OR51B5: variants seen among roughly 807,000 people sequenced by gnomAD.
The protein encoded by OR51B5 is olfactory receptor 51B5.
For synonymous variants in OR51B5, 186 were observed against 144.8 expected (o/e 1.28, Z -2.04); for missense variants, 456 against 374.6 (o/e 1.22, Z -1.79).
At chr11:5,394,218 A>G (rs2133733972) in intron 1 of OR51B5, among the ~76,000 whole-genome samples, 1 of 152,248 alleles carries the variant, frequency 6.6e-6, no homozygotes, top group Admixed American at 6.5e-5. Context: ...ACTATAAGTC[A>G]CTTTATCTTG....
chr11:5,439,361 C>T (rs1039822800), intron 1 of OR51B5, among the ~76,000 whole-genome samples: 1 of 152,168 alleles, frequency 6.6e-6, no homozygotes, highest in Non-Finnish European at 1.5e-5. Flanking sequence ...CTTCCCTTCA[C>T]CAACAATACC....
intron 1 of OR51B5, chr11:5,352,329 G>C: frequency 1.2e-6 from 2 of 1,613,902 alleles, no homozygotes; most frequent in Non-Finnish European, 1.7e-6. Context: ...ACATCACAAT[G>C]AGCTACATCC....
intron 1 of OR51B5, among the ~76,000 whole-genome samples, chr11:5,467,504 T>A (rs1851154594): frequency 6.6e-6 from 1 of 152,242 alleles, no homozygotes; most frequent in South Asian, 2.1e-4. Context: ...TGGAGTTGAG[T>A]TATGCCATGG....
intron 1 of OR51B5, among the ~76,000 whole-genome samples, chr11:5,357,887 G>C (rs1276069637): frequency 6.6e-6 from 1 of 152,008 alleles, no homozygotes; most frequent in Non-Finnish European, 1.5e-5. Context: ...GCTCCTGAAT[G>C]ACTACTGGGT....
intron 1 of OR51B5, among the ~76,000 whole-genome samples, chr11:5,398,894 A>T (rs533509934): frequency 1.3e-5 from 2 of 152,242 alleles, no homozygotes; most frequent in African/African-American, 4.8e-5. Context: ...TTAATAAATT[A>T]CCCAGTCTCA....
In OR51B5 at chr11:5,497,819, G is replaced by A. The variant is rs138154586; in HGVS notation, n.84+7750C>T. Among the ~76,000 whole-genome samples, 469 of 152,248 alleles carry A rather than the reference G, an allele frequency of 3.1e-3. 2 individuals are homozygous for A. Among genetic ancestry groups the A allele is most frequent in the African/African-American group, 0.011 (451 of 41,544 alleles). Reference sequence around the variant, plus strand: ...ACCCATGGAGTTTCTCAGCAGCTTTGCCATCACACACAGTCTTAGCAGAGA... The same window carrying A: ...ACCCATGGAGTTTCTCAGCAGCTTTACCATCACACACAGTCTTAGCAGAGA... On this transcript the variant is annotated intron_variant and non_coding_transcript_variant, in intron 1 of 4. Coordinates refer to the OR51B5 transcript ENST00000415970.
downstream of OR51B5, chr11:5,342,489 G>A: frequency 7.1e-7 from 1 of 1,408,986 alleles, no homozygotes; most frequent in African/African-American, 1.5e-5. Flanking sequence ...ATTTTACCAA[G>A]TCATATGAGC....
chr11:5,413,649 G>A (rs898383994), intron 1 of OR51B5, among the ~76,000 whole-genome samples: 2 of 152,158 alleles, frequency 1.3e-5, no homozygotes, highest in African/African-American at 4.8e-5. Flanking sequence ...GAAGTCTCAG[G>A]AGCCAATGCA....
At chr11:5,412,912 C>T (rs1351359569) in intron 1 of OR51B5, among the ~76,000 whole-genome samples, 1 of 151,962 alleles carries the variant, frequency 6.6e-6, no homozygotes, top group Non-Finnish European at 1.5e-5. Flanking sequence ...ACTTAAATGT[C>T]CCTGTCTGAC....
chr11:5,342,851 C>A, exon 1 of OR51B5: 1 of 1,613,280 alleles, frequency 6.2e-7, no homozygotes, highest in Non-Finnish European at 8.5e-7. Context: ...GGAGGCAATG[C>A]TCAGGACAGT....
chr11:5,444,108 C>T (rs1408497844), intron 1 of OR51B5, among the ~76,000 whole-genome samples: 2 of 152,152 alleles, frequency 1.3e-5, no homozygotes, highest in Non-Finnish European at 2.9e-5. Flanking sequence ...TATACACACA[C>T]AGTGTCACAA....
intron 1 of OR51B5, among the ~76,000 whole-genome samples, chr11:5,473,259 C>G (rs912527024): frequency 6.6e-6 from 1 of 152,136 alleles, no homozygotes; most frequent in Non-Finnish European, 1.5e-5. Context: ...CCTGTTGACT[C>G]TGGAGTTTTG....
intron 1 of OR51B5, chr11:5,393,145 A>AT (rs1849822132): frequency 6.6e-6 from 1 of 152,122 alleles, no homozygotes; most frequent in Non-Finnish European, 1.5e-5. Flanking sequence ...TTGTGGCAAA[A>AT]TTTTTTTCCT....
At chr11:5,492,241 C>T (rs1250269123) in intron 1 of OR51B5, among the ~76,000 whole-genome samples, 1 of 152,112 alleles carries the variant, frequency 6.6e-6, no homozygotes, top group African/African-American at 2.4e-5. Context: ...TAAACACACA[C>T]ACACACTCAC....
At chr11:5,447,672 C>T (rs1498493) in intron 1 of OR51B5, among the ~76,000 whole-genome samples, 64,061 of 151,946 alleles carry the variant, frequency 0.42, 15,416 homozygotes, top group Non-Finnish European at 0.55. Context: ...AACCAGCTCC[C>T]AAGATCTACA....
intron 1 of OR51B5, among the ~76,000 whole-genome samples, chr11:5,359,687 C>T (rs574152399): frequency 2.0e-5 from 3 of 150,478 alleles, no homozygotes; most frequent in South Asian, 2.1e-4. Flanking sequence ...CATTGACATG[C>T]CAATCCTAAG....
intron 1 of OR51B5, chr11:5,362,623 C>A: frequency 5.7e-6 from 1 of 176,238 alleles, no homozygotes. Context: ...AAATGGAGCT[C>A]AAGGCCATGA....
rs1554898513 is a variant in OR51B5, at chr11:5,499,285, T to TGACCTATTTCTTTGAATAGGTCTCTTA, written n.84+6283_84+6284insTAAGAGACCTATTCAAAGAAATAGGTC. Among the ~76,000 whole-genome samples, 74 of 150,472 alleles carry TGACCTATTTCTTTGAATAGGTCTCTTA rather than the reference T, an allele frequency of 4.9e-4. 6 individuals carry two copies. Among genetic ancestry groups the TGACCTATTTCTTTGAATAGGTCTCTTA allele is most frequent in the Non-Finnish European group, 8.9e-5 (6 of 67,556 alleles). On this transcript the variant is annotated intron_variant and non_coding_transcript_variant, in intron 1 of 4. Transcript: ENST00000415970. ...TAAGCTCAAGCCTTTGGTTACTCTT[T>TGACCTATTTCTTTGAATAGGTCTCTTA]GACCTATTTCTGTGAATAATTCTAT...
chr11:5,441,317 A>G, intron 1 of OR51B5: 1 of 1,613,968 alleles, frequency 6.2e-7, no homozygotes, highest in East Asian at 2.2e-5. Context: ...GAGCGAGCAT[A>G]GAGAGGAAGT....
Sources: allele counts gnomAD v4.1 joint callset (sites outside exome capture counted in the v4.1 genomes callset), GRCh38; gene constraint gnomAD v4.1.1; transcripts MANE v1.5; gene names NCBI Gene and HGNC (gene_info 2026-07-23, HGNC 2026-07-21).